SNCAIP: variants seen among roughly 807,000 people sequenced by gnomAD.
SNCAIP encodes the protein synuclein alpha interacting protein.
SNCAIP carries 43 observed loss-of-function variants against 86.7 expected under a neutral mutation model. That is an observed-to-expected ratio of 0.50 (90% confidence interval 0.39 to 0.64). SNCAIP has a LOEUF of 0.64. Ranked by LOEUF, SNCAIP falls within the 30% of genes least tolerant of loss-of-function variation. The probability of loss-of-function intolerance (pLI) is 0.00; values close to 1 mark genes in which losing one functional copy is unlikely to be tolerated. For synonymous variants in SNCAIP, 417 were observed against 427.2 expected, an observed-to-expected ratio of 0.98 and a Z score of 0.29; for missense variants, 981 against 1,103.1, an observed-to-expected ratio of 0.89 and a Z score of 1.57.
intron 1 of SNCAIP, among the ~76,000 whole-genome samples, chr5:122,385,389 A>G (rs914629054): frequency 6.6e-6 from 1 of 151,808 alleles, no homozygotes; most frequent in East Asian, 1.9e-4. Flanking sequence ...TGCCTCTATC[A>G]TTTTTCTGCT....
chr5:122,445,056 A>T, intron 8 of SNCAIP: 1 of 386,674 alleles, frequency 2.6e-6, no homozygotes, highest in Non-Finnish European at 4.9e-6. Flanking sequence ...AAGCACTCAT[A>T]GGCATCATCT....
intron 1 of SNCAIP, among the ~76,000 whole-genome samples, chr5:122,386,955 G>T (rs903979703): frequency 1.3e-5 from 2 of 152,162 alleles, no homozygotes; most frequent in African/African-American, 4.8e-5. Flanking sequence ...TCTTGAAAAA[G>T]GTGTGCTGTG....
chr5:122,439,151 C>T (rs1253936296), intron 6 of SNCAIP, among the ~76,000 whole-genome samples: 1 of 152,212 alleles, frequency 6.6e-6, no homozygotes, highest in African/African-American at 2.4e-5. Flanking sequence ...TGAAACATCA[C>T]CTGCTGTGGT....
chr5:122,323,546 G>A (rs1382447987), intron 1 of SNCAIP, among the ~76,000 whole-genome samples: 1 of 152,218 alleles, frequency 6.6e-6, no homozygotes, highest in Non-Finnish European at 1.5e-5. Flanking sequence ...GCCAATGGAA[G>A]CACAGGTGTG....
chr5:122,316,821 G>T (rs1048090312), intron 1 of SNCAIP, among the ~76,000 whole-genome samples: 3 of 152,184 alleles, frequency 2.0e-5, no homozygotes, highest in Admixed American at 6.5e-5. Context: ...TTCAGGTGGT[G>T]CCCTTACCGC....
chr5:122,422,598 CT>C (rs1776607565), intron 3 of SNCAIP, among the ~76,000 whole-genome samples: 1 of 152,074 alleles, frequency 6.6e-6, no homozygotes, highest in East Asian at 1.9e-4. Context: ...ACCTAAATAC[CT>C]ATCTGGGTTT....
At chr5:122,399,232 A>G (rs897164171) in intron 2 of SNCAIP, among the ~76,000 whole-genome samples, 1 of 152,156 alleles carries the variant, frequency 6.6e-6, no homozygotes, top group African/African-American at 2.4e-5. Context: ...GGATAAAGAG[A>G]AGAGACAGAC....
rs74871143 is a variant in SNCAIP at position 122,334,606 on chromosome 5, G to A, written c.-47+22322G>A. Among the ~76,000 whole-genome samples, 549 of 152,288 alleles carry A rather than the reference G, an allele frequency of 3.6e-3. 4 individuals are homozygous for A. Among genetic ancestry groups the A allele is most frequent in the African/African-American group, 0.012 (510 of 41,556 alleles). On this transcript the variant is annotated intron_variant, in intron 1 of 10. Transcript: ENST00000261368. The stretch of plus-strand genomic sequence containing the variant: ...TTGTCAGTGGACGTCAGGTGGTAAC[G>A]TTGAGGGAAGGAAAACAGGGTGGAT...
intron 1 of SNCAIP, among the ~76,000 whole-genome samples, chr5:122,325,939 G>A (rs764240107): frequency 2.0e-5 from 3 of 152,104 alleles, no homozygotes; most frequent in Admixed American, 6.6e-5. Flanking sequence ...TGTGCACGTC[G>A]TACACAGTTA....
chr5:122,394,290 C>G (rs1028380959), intron 2 of SNCAIP, among the ~76,000 whole-genome samples: 5 of 152,050 alleles, frequency 3.3e-5, no homozygotes, highest in African/African-American at 9.7e-5. Context: ...ATGGTATTTC[C>G]CTCTGGTCAT....
intron 1 of SNCAIP, among the ~76,000 whole-genome samples, chr5:122,336,523 T>G (rs533176332): frequency 6.6e-6 from 1 of 152,352 alleles, no homozygotes; most frequent in South Asian, 2.1e-4. Flanking sequence ...ACCTCAGAAA[T>G]TTGTCCTTTA....
At chr5:122,323,570 A>G (rs983351212) in intron 1 of SNCAIP, among the ~76,000 whole-genome samples, 6 of 152,236 alleles carry the variant, frequency 3.9e-5, no homozygotes, top group South Asian at 2.1e-4. Flanking sequence ...ACCTAAGTCA[A>G]CGTTCAGAGG....
In SNCAIP at chr5:122,418,238, G is replaced by A. The variant is rs989944214; in HGVS notation, c.131-4630G>A. Among the ~76,000 whole-genome samples, 4 of 152,308 alleles carry A rather than the reference G, an allele frequency of 2.6e-5. No individual in the cohort carries two copies. In the South Asian group the frequency reaches 8.3e-4, roughly 32 times the overall value. On this transcript the variant is annotated intron_variant, in intron 3 of 10. Transcript: ENST00000261368. ...GGCAAATTAGAAAACAAATACAAGA[G>A]CTGCTACATACCATGCTAAAGAATT...
chr5:122,450,488 A>T (rs766327052), intron 9 of SNCAIP, 45 bp from the exon 10 acceptor site: 1 of 1,387,060 alleles, frequency 7.2e-7, no homozygotes, highest in East Asian at 2.3e-5. Context: ...GAGTCATTTC[A>T]ACCCAGTAGG....
intron 1 of SNCAIP, among the ~76,000 whole-genome samples, chr5:122,322,342 A>G (rs897802460): frequency 6.6e-5 from 10 of 152,260 alleles, no homozygotes; most frequent in African/African-American, 1.9e-4. Flanking sequence ...TGGTACTTCC[A>G]TAAAACCATA....
chr5:122,444,359 C>T (rs1234366025), intron 7 of SNCAIP: 2 of 625,114 alleles, frequency 3.2e-6, no homozygotes, highest in Non-Finnish European at 5.8e-6. Context: ...TCCCAGCCCC[C>T]TCCTTATGTG....
chr5:122,423,210 A>T lies in SNCAIP; in HGVS notation c.473A>T (p.Tyr158Phe). The change falls in exon 4 of 11, where the codon TAT (tyrosine) becomes TTT (phenylalanine). Residue 158 changes from tyrosine to phenylalanine, a missense_variant. Transcript: ENST00000261368. ...ATGGATGAGATTCTGGATGTGCCTT[A>T]TATTAAATCCAGTCAGCAGCTTGCC... ...LDMDEILDVP[Y>F]IKSSQQLASF... 3 of 1,614,174 alleles carry T rather than the reference A, an allele frequency of 1.9e-6. No homozygotes were observed. Among genetic ancestry groups the T allele is most frequent in the Non-Finnish European group, 2.5e-6 (3 of 1,180,014 alleles).
rs540202572 is a variant in SNCAIP, at chr5:122,318,487, T to C, written c.-47+6203T>C. Among the ~76,000 whole-genome samples, 150 of 152,338 alleles carry C rather than the reference T, an allele frequency of 9.8e-4. 1 individual carries two copies. The highest frequency in any genetic ancestry group is 3.3e-3 in the African/African-American group (139 of 41,588). On this transcript the variant is annotated intron_variant, in intron 1 of 10. Transcript: ENST00000261368. ...TTTGCACATCCTGTGCTCAGTACAGTGCCTTGCCCACCATGTATCTCAAAA... is the reference window on the plus strand; with the variant it reads ...TTTGCACATCCTGTGCTCAGTACAGCGCCTTGCCCACCATGTATCTCAAAA...
chr5:122,459,120 T>C (rs977577580), intron 10 of SNCAIP, among the ~76,000 whole-genome samples: 1 of 152,212 alleles, frequency 6.6e-6, no homozygotes, highest in African/African-American at 2.4e-5. Flanking sequence ...GCACTTCAAA[T>C]ACAAGTTTTC....
Sources: gnomAD v4.1 joint callset for allele counts (sites outside exome capture counted in the v4.1 genomes callset) on GRCh38, gnomAD v4.1.1 for gene constraint, MANE v1.5 for transcripts, NCBI Gene and HGNC (gene_info 2026-07-23, HGNC 2026-07-21) for gene names.